Variants in OTUD7B observed in about 807,000 individuals in gnomAD.
OTUD7B encodes OTU domain-containing protein 7B.
OTUD7B carries 34 observed loss-of-function variants against 82.2 expected under a neutral mutation model. The ratio of observed to expected loss-of-function variants is 0.41; its 90% CI spans 0.31 to 0.55. The LOEUF is 0.55. OTUD7B is among the 20% of genes least tolerant of loss of function. The probability of loss-of-function intolerance (pLI) is 0.20; values close to 1 mark genes in which losing one functional copy is unlikely to be tolerated. For missense variants in OTUD7B, 944 were observed against 1,062.1 expected (o/e 0.89, Z 1.55); for synonymous variants, 398 against 402.7 (o/e 0.99, Z 0.14).
the OTUD7B span, among the ~76,000 whole-genome samples, chr1:150,046,200 G>A: frequency 7.2e-5 from 11 of 152,060 alleles, no homozygotes; most frequent in Non-Finnish European, 1.6e-4. Flanking sequence ...GGTGATCTAC[G>A]TAACTGAAGT....
rs782547317 is a variant in OTUD7B, at chr1:150,004,035, T to C, written c.-67+6413A>G. Among the ~76,000 whole-genome samples the C allele has an allele frequency of 4.6e-5, 7 of 152,296 alleles. 2 individuals are homozygous for C. Among genetic ancestry groups the C allele is most frequent in the South Asian group, 2.1e-4 (1 of 4,826 alleles). ...GACACCCAGGCACAACGTGTCACAG[T>C]TGTAGTTGACTCATCACCCTTCTTC... On this transcript the variant is annotated intron_variant, in intron 1 of 11. Transcript: ENST00000581312.
chr1:150,030,192 G>C, the OTUD7B span, among the ~76,000 whole-genome samples: 2 of 152,044 alleles, frequency 1.3e-5, no homozygotes, highest in Admixed American at 1.3e-4. Flanking sequence ...CTTCCTTTAT[G>C]ACCATCACCT....
intron 1 of OTUD7B, among the ~76,000 whole-genome samples, chr1:149,993,501 C>T (rs1453910741): frequency 6.6e-6 from 1 of 152,018 alleles, no homozygotes; most frequent in African/African-American, 2.4e-5. Context: ...AGTGCCAGAC[C>T]AGAGACAGAA....
chr1:150,039,632 C>G, the OTUD7B span, among the ~76,000 whole-genome samples: 4 of 152,202 alleles, frequency 2.6e-5, no homozygotes, highest in African/African-American at 9.7e-5. Context: ...GCCTCGGCCT[C>G]CCGAAGTGCT....
chr1:150,033,211 T>G, the OTUD7B span, among the ~76,000 whole-genome samples: 1 of 152,162 alleles, frequency 6.6e-6, no homozygotes, highest in African/African-American at 2.4e-5. Flanking sequence ...CTCAATTACC[T>G]TATAAAAAAA....
intron 1 of OTUD7B, among the ~76,000 whole-genome samples, chr1:149,996,289 G>T (rs1317164877): frequency 6.6e-6 from 1 of 152,174 alleles, no homozygotes; most frequent in African/African-American, 2.4e-5. Flanking sequence ...GAGGCAAGGG[G>T]AAGAGAGGAA....
At chr1:150,033,962 C>T in the OTUD7B span, among the ~76,000 whole-genome samples, 2 of 152,084 alleles carry the variant, frequency 1.3e-5, no homozygotes, top group South Asian at 2.1e-4. Flanking sequence ...CCTTATGATC[C>T]GCCCACCTCA....
intron 1 of OTUD7B, among the ~76,000 whole-genome samples, chr1:150,003,846 G>A (rs1652472440): frequency 6.6e-6 from 1 of 152,102 alleles, no homozygotes; most frequent in African/African-American, 2.4e-5. Context: ...TTGCAAAACT[G>A]CATTTCCAAA....
intron 2 of OTUD7B, among the ~76,000 whole-genome samples, chr1:149,976,227 CTGTT>C (rs1310769079): frequency 3.9e-5 from 6 of 152,128 alleles, no homozygotes; most frequent in African/African-American, 1.2e-4. Context: ...ATAGGCCTGC[CTGTT>C]TGTGTCATTA....
chr1:150,042,744 A>C, the OTUD7B span, among the ~76,000 whole-genome samples: 3 of 152,018 alleles, frequency 2.0e-5, no homozygotes, highest in Non-Finnish European at 4.4e-5. Flanking sequence ...GAATTTAGAG[A>C]TCTTTCCCAC....
chr1:150,055,803 T>C, the OTUD7B span, among the ~76,000 whole-genome samples: 2 of 152,344 alleles, frequency 1.3e-5, no homozygotes, highest in South Asian at 4.1e-4. Flanking sequence ...AAATACTGCA[T>C]GTTCTCACTT....
At chr1:149,969,143 T>C (rs587772668) in intron 3 of OTUD7B, among the ~76,000 whole-genome samples, 2 of 151,964 alleles carry the variant, frequency 1.3e-5, no homozygotes, top group East Asian at 3.9e-4. Flanking sequence ...GGCAACAGAG[T>C]GAGACCTAAT....
the OTUD7B span, among the ~76,000 whole-genome samples, chr1:150,025,141 G>A: frequency 6.6e-6 from 1 of 152,012 alleles, no homozygotes; most frequent in Middle Eastern, 3.2e-3. Context: ...GGTCTCAGGG[G>A]CTGGGCGCGG....
At chr1:150,039,627 G>A in the OTUD7B span, among the ~76,000 whole-genome samples, 4 of 152,088 alleles carry the variant, frequency 2.6e-5, no homozygotes, top group African/African-American at 9.7e-5. Context: ...CGCCTGCCTC[G>A]GCCTCCCGAA....
chr1:150,047,048 G>T, the OTUD7B span, among the ~76,000 whole-genome samples: 1 of 151,954 alleles, frequency 6.6e-6, no homozygotes, highest in South Asian at 2.1e-4. Context: ...TCTAGCCTGG[G>T]CGACAGAGCA....
At chr1:150,041,483 C>A in the OTUD7B span, among the ~76,000 whole-genome samples, 1 of 152,144 alleles carries the variant, frequency 6.6e-6, no homozygotes, top group Non-Finnish European at 1.5e-5. Context: ...CAGGCTCATG[C>A]CACCACACCC....
chr1:149,969,425 C>T (rs782529791), intron 3 of OTUD7B, among the ~76,000 whole-genome samples: 7 of 152,110 alleles, frequency 4.6e-5, no homozygotes, highest in Non-Finnish European at 8.8e-5. Context: ...TTCCTGATCC[C>T]TTCCCCAGAG....
At chr1:149,958,170 C>T (rs183621039) in intron 7 of OTUD7B, among the ~76,000 whole-genome samples, 2 of 152,312 alleles carry the variant, frequency 1.3e-5, no homozygotes, top group Admixed American at 6.5e-5. Context: ...AACACTTGGT[C>T]AATCTTGTTT....
the OTUD7B span, among the ~76,000 whole-genome samples, chr1:150,028,663 T>C: frequency 6.6e-6 from 1 of 151,668 alleles, no homozygotes; most frequent in Admixed American, 6.6e-5. Context: ...ATATTTTTTA[T>C]TGCTTTATGT....
Sources: allele counts gnomAD v4.1 joint callset (sites outside exome capture counted in the v4.1 genomes callset), GRCh38; gene constraint gnomAD v4.1.1; transcripts MANE v1.5; gene names NCBI Gene and HGNC (gene_info 2026-07-23, HGNC 2026-07-21).